The following OSBPL6 variants were observed in gnomAD, a reference collection of about 807,000 sequenced individuals.
OSBPL6 encodes the protein oxysterol-binding protein-related protein 6.
OSBPL6 carries 49 observed loss-of-function variants against 125.8 expected under a neutral mutation model. The ratio of observed to expected loss-of-function variants is 0.39; its 90% CI spans 0.31 to 0.49. The LOEUF is 0.49. OSBPL6 is among the 20% of genes least tolerant of loss of function. The pLI is 0.88. For missense variants in OSBPL6, 986 were observed against 1,135.4 expected (o/e 0.87, Z 1.89); for synonymous variants, 394 against 391.8 (o/e 1.01, Z -0.07).
chr2:178,238,101 G>T (rs2091136144), intron 1 of OSBPL6, among the ~76,000 whole-genome samples: 2 of 152,094 alleles, frequency 1.3e-5, no homozygotes, highest in South Asian at 4.1e-4. Flanking sequence ...TTCTTTTGGG[G>T]TCAGCTCCTA....
intron 2 of OSBPL6, among the ~76,000 whole-genome samples, chr2:178,296,443 G>T (rs1444533406): frequency 1.3e-5 from 2 of 152,020 alleles, no homozygotes; most frequent in Non-Finnish European, 2.9e-5. Flanking sequence ...CAATCCATGG[G>T]ATATTTTAGA....
chr2:178,308,327 G>A (rs969870260), intron 3 of OSBPL6, among the ~76,000 whole-genome samples: 18 of 152,306 alleles, frequency 1.2e-4, no homozygotes, highest in Middle Eastern at 6.8e-3. Flanking sequence ...GTGATGTAGT[G>A]TTTTTTATAT....
intron 15 of OSBPL6, among the ~76,000 whole-genome samples, chr2:178,375,579 C>T (rs748511303): frequency 4.6e-5 from 7 of 152,100 alleles, no homozygotes; most frequent in African/African-American, 7.2e-5. Flanking sequence ...TGCACCTCCA[C>T]GCCCTGCTAA....
At chr2:178,266,003 CAG>C (rs1435481886) in intron 1 of OSBPL6, among the ~76,000 whole-genome samples, 3 of 152,174 alleles carry the variant, frequency 2.0e-5, no homozygotes, top group Admixed American at 6.5e-5. Flanking sequence ...CCTGCAGGAT[CAG>C]AGAATACTTC....
At chr2:178,208,102 T>A (rs553479291) in intron 1 of OSBPL6, among the ~76,000 whole-genome samples, 32 of 152,122 alleles carry the variant, frequency 2.1e-4, no homozygotes, top group African/African-American at 5.8e-4. Context: ...CTGGCCAACA[T>A]GGTGAAACCC....
intron 3 of OSBPL6, among the ~76,000 whole-genome samples, chr2:178,311,562 G>A (rs1222098847): frequency 1.3e-5 from 2 of 152,178 alleles, no homozygotes; most frequent in African/African-American, 4.8e-5. Flanking sequence ...CTTGTACAGC[G>A]CCTCACATTT....
intron 1 of OSBPL6, among the ~76,000 whole-genome samples, chr2:178,200,584 A>G (rs927537984): frequency 6.6e-6 from 1 of 151,752 alleles, no homozygotes; most frequent in Non-Finnish European, 1.5e-5. Flanking sequence ...CCCACAAATC[A>G]TGATGTAACT....
chr2:178,288,421 G>A (rs78138754), intron 2 of OSBPL6, among the ~76,000 whole-genome samples: 2,305 of 152,218 alleles, frequency 0.015, 64 homozygotes, highest in African/African-American at 0.052. Flanking sequence ...GCCAGCTCTC[G>A]CCTGTGCATT....
chr2:178,370,100 A>G (rs957921965), intron 13 of OSBPL6, among the ~76,000 whole-genome samples: 3 of 152,110 alleles, frequency 2.0e-5, no homozygotes, highest in African/African-American at 7.2e-5. Context: ...CTTCATCTCT[A>G]CTAAAAATAC....
chr2:178,260,504 T>C (rs1179341004), intron 1 of OSBPL6, among the ~76,000 whole-genome samples: 1 of 152,162 alleles, frequency 6.6e-6, no homozygotes, highest in African/African-American at 2.4e-5. Flanking sequence ...TCTATTTTTT[T>C]GTCTGCAGAC....
intron 2 of OSBPL6, among the ~76,000 whole-genome samples, chr2:178,295,027 G>A: frequency 6.6e-6 from 1 of 151,826 alleles, no homozygotes; most frequent in East Asian, 1.9e-4. Flanking sequence ...TTCTCATGGG[G>A]TTTTTAATGA....
At chr2:178,275,790 A>AAGC (rs1388714372) in intron 1 of OSBPL6, among the ~76,000 whole-genome samples, 1 of 151,712 alleles carries the variant, frequency 6.6e-6, no homozygotes, top group Non-Finnish European at 1.5e-5. Flanking sequence ...AGACTTGGGG[A>AAGC]AGCAGCAGCA....
chr2:178,295,447 G>A (rs1483338020), intron 2 of OSBPL6, among the ~76,000 whole-genome samples: 2 of 152,164 alleles, frequency 1.3e-5, no homozygotes, highest in Non-Finnish European at 2.9e-5. Flanking sequence ...ATTGTCTAAG[G>A]CTACTTCTCC....
At chr2:178,279,957 T>A (rs1683981331) in intron 1 of OSBPL6, among the ~76,000 whole-genome samples, 1 of 152,178 alleles carries the variant, frequency 6.6e-6, no homozygotes, top group African/African-American at 2.4e-5. Context: ...CCCAGCACTT[T>A]GGGAGGCCGA....
At chr2:178,198,666 C>T (rs1039562132) in intron 1 of OSBPL6, among the ~76,000 whole-genome samples, 5 of 93,802 alleles carry the variant, frequency 5.3e-5, no homozygotes, top group East Asian at 3.0e-4. Context: ...AAGAGAACTG[C>T]GGCACAAAGA....
At chr2:178,362,838 A>C (rs1015822168) in intron 13 of OSBPL6, among the ~76,000 whole-genome samples, 1 of 152,210 alleles carries the variant, frequency 6.6e-6, no homozygotes, top group African/African-American at 2.4e-5. Context: ...TGCTGCTTCC[A>C]GTATAAAGCC....
At position 178,198,762 on chromosome 2, in the gene OSBPL6, C is replaced by G. The variant is rs146688440; in HGVS notation, c.-351+4088C>G. 5.6e-3 allele frequency among the ~76,000 whole-genome samples: 851 copies of G among 152,292 alleles called. 13 individuals carry two copies. The highest frequency in any genetic ancestry group is 0.019 in the African/African-American group (785 of 41,552). The stretch of plus-strand genomic sequence containing the variant: ...ATGGACATACTATTAGGGCTTAACT[C>G]TCCAGTTGTGTCAAATATTCTGTGA... On this transcript the variant is annotated intron_variant, in intron 1 of 24. Coordinates refer to ENST00000190611, the MANE Select transcript of OSBPL6 (RefSeq NM_032523.4).
chr2:178,358,386 G>C (rs1156469770), intron 12 of OSBPL6, among the ~76,000 whole-genome samples: 1 of 152,082 alleles, frequency 6.6e-6, no homozygotes, highest in African/African-American at 2.4e-5. Context: ...GTATGGTATT[G>C]GCTTAAAAAC....
At chr2:178,232,713 G>GTT (rs749697915) in intron 1 of OSBPL6, among the ~76,000 whole-genome samples, 1 of 147,034 alleles carries the variant, frequency 6.8e-6, no homozygotes, top group African/African-American at 2.5e-5. Flanking sequence ...ATCACATGCT[G>GTT]TTTTTTTTTT....
Sources: gnomAD v4.1 joint callset for allele counts (sites outside exome capture counted in the v4.1 genomes callset) on GRCh38, gnomAD v4.1.1 for gene constraint, MANE v1.5 for transcripts, NCBI Gene and HGNC (gene_info 2026-07-23, HGNC 2026-07-21) for gene names.